The following BTN3A3 variants were observed in gnomAD, a reference collection of about 807,000 sequenced individuals.
BTN3A3 encodes the protein butyrophilin subfamily 3 member A3, also known as butyrophilin 3.
In BTN3A3, 39 loss-of-function variants were observed where a neutral mutation model predicts 43.2. The observed-to-expected ratio is 0.90, with a 90% CI of 0.70 to 1.18. The LOEUF (loss-of-function observed/expected upper bound fraction) is 1.18, where lower values mean the gene tolerates loss of function less well. Ranked by LOEUF, BTN3A3 falls within the 50% of genes most tolerant of loss-of-function variation. The probability of loss-of-function intolerance (pLI) is 0.00; values close to 1 mark genes in which losing one functional copy is unlikely to be tolerated. For missense variants in BTN3A3, 631 were observed against 722.8 expected, an observed-to-expected ratio of 0.87 and a Z score of 1.46; for synonymous variants, 255 against 272.7, an observed-to-expected ratio of 0.93 and a Z score of 0.64.
In BTN3A3 at chr6:26,452,506, G is replaced by T; in HGVS notation, c.*95G>T. The T allele has an allele frequency of 8.9e-7, 1 of 1,121,510 alleles. No individual in the cohort carries two copies. Among genetic ancestry groups the T allele is most frequent in the South Asian group, 1.6e-5 (1 of 60,732 alleles). 69.5% of individuals were successfully genotyped at this position (1,121,510 alleles called of 1,614,324 possible). On this transcript the variant is annotated 3_prime_UTR_variant, in exon 11 of 11. Coordinates refer to ENST00000244519, the MANE Select transcript of BTN3A3 (RefSeq NM_006994.5). ...TAAGGAAACTGGGGTGCAGAAAGGT[G>T]AATTAACTTTACAAAGTAGACATGA...
Position 26,440,813 on chromosome 6 carries a change from T to C in BTN3A3, c.-67+165T>C, listed in dbSNP as rs57735990. ...GTGTGTGTGTGTGTGTGTGTGTGTG[T>C]GTGCGTGTGTGCGCATGGGCACCCA... On this transcript the variant is annotated intron_variant, in intron 1 of 10. Transcript: ENST00000244519. The C allele has an allele frequency of 8.7e-3, 1,137 of 130,658 alleles. 8 individuals carry two copies. The highest frequency in any genetic ancestry group is 0.026 in the African/African-American group (907 of 34,608). 8.1% of individuals were successfully genotyped at this position (130,658 alleles called of 1,614,324 possible). A position where few individuals can be genotyped will look rare whatever the true frequency, so the allele number is the denominator to read the frequency against.
Position 26,452,722 on chromosome 6 carries a change from A to AT in BTN3A3, c.*312dup, listed in dbSNP as rs1481900411. ...CAACATGAAGTAACTTACATAACTCATACAGTAATTTGTGCAGTTGGGAGA... is the reference window on the plus strand; with the variant it reads ...CAACATGAAGTAACTTACATAACTCATTACAGTAATTTGTGCAGTTGGGAGA... On this transcript the variant is annotated 3_prime_UTR_variant, in exon 11 of 11. Transcript: ENST00000244519. 1 of 295,016 alleles carries AT rather than the reference A, an allele frequency of 3.4e-6. No homozygotes were observed. Among genetic ancestry groups the AT allele is most frequent in the Non-Finnish European group, 6.3e-6 (1 of 157,672 alleles). The allele number at this position is 295,016 out of a possible 1,614,324, so 18.3% of individuals were successfully genotyped here.
rs1160628160 is a variant in BTN3A3, at chr6:26,452,449, T to C, written c.*38T>C. On this transcript the variant is annotated 3_prime_UTR_variant, in exon 11 of 11. Transcript: ENST00000244519. The stretch of plus-strand genomic sequence containing the variant: ...TATTCCATATGACAGTTGTTTTGAG[T>C]TTCGTACCACCTTATTGTCCCCTTA... 6.6e-7 allele frequency: 1 copy of C among 1,521,874 alleles called. No homozygotes were observed. Among genetic ancestry groups the C allele is most frequent in the South Asian group, 1.2e-5 (1 of 80,566 alleles). 94.3% of individuals were successfully genotyped at this position (1,521,874 alleles called of 1,614,324 possible).
chr6:26,444,126 G>T lies in BTN3A3; in HGVS notation c.255G>T (p.Val85=). ...VVNVYADGKE[V]EDRQSAPYRG... ...ACGTGTATGCAGATGGAAAGGAAGT[G>T]GAAGACAGGCAGAGTGCACCGTATC... Residue 85 remains valine (V), a synonymous_variant, in exon 4 of 11, where the codon GTG becomes GTT. Coordinates refer to ENST00000244519, the MANE Select transcript of BTN3A3 (RefSeq NM_006994.5). 1 of 1,613,498 alleles carries T rather than the reference G, an allele frequency of 6.2e-7. No homozygotes were observed. The highest frequency in any genetic ancestry group is 1.1e-5 in the South Asian group (1 of 91,062).
chr6:26,446,037 T>G, intron 5 of BTN3A3, 52 bp downstream of exon 5: 2 of 1,601,800 alleles, frequency 1.2e-6, no homozygotes, highest in Non-Finnish European at 1.7e-6. Context: ...TGGCAGGTGA[T>G]GAAGGGGGAT....
Position 26,448,249 on chromosome 6 carries a change from C to G in BTN3A3, c.717C>G (p.Asp239Glu). ...GACCCACAGCTCTCCCCTTCGCAGA[C>G]CCCTTCTTCAGGAGCGCCCAGCCCT... is the stretch of plus-strand genomic sequence containing the variant. ...LEKTASISIA[D>E]PFFRSAQPWI... Residue 239 changes from aspartate (D) to glutamate (E), a missense_variant and splice_region_variant, in exon 6 of 11, where the codon GAC becomes GAG. Physicochemically the swap from Asp to Glu is conservative, Grantham distance 45. This residue lies in a region of BTN3A3 where 551 missense variants were observed against 584.0 expected (regional missense o/e 0.94). Transcript: ENST00000244519. The G allele has an allele frequency of 1.2e-6, 2 of 1,613,346 alleles. No individual in the cohort carries two copies. The highest frequency in any genetic ancestry group is 2.7e-5 in the African/African-American group (2 of 74,912).
rs573665384 is a variant in BTN3A3, at chr6:26,448,308, C to T, written c.776C>T (p.Ser259Leu). 1.4e-5 allele frequency: 22 copies of T among 1,613,788 alleles called. No homozygotes were observed. The highest frequency in any genetic ancestry group is 8.3e-5 in the Admixed American group (5 of 59,968). ...GCCCTGGCAGGGACCCTGCCTATCT[C>T]GTTGCTGCTTCTCGCAGGAGCCAGT... ...IAALAGTLPI[S>L]LLLLAGASYF... Residue 259 changes from serine to leucine, a missense_variant, in exon 6 of 11, where the codon TCG becomes TTG. Physicochemically the swap from Ser to Leu is moderately radical, Grantham distance 145. Transcript: ENST00000244519.
At chr6:26,446,026 G>A in intron 5 of BTN3A3, 41 bp downstream of exon 5, 1 of 1,607,648 alleles carries the variant, frequency 6.2e-7, no homozygotes, top group Non-Finnish European at 8.5e-7. Flanking sequence ...GAGCTGAGCT[G>A]TGGCAGGTGA....
At chr6:26,440,987 G>T (rs966967334) in intron 1 of BTN3A3, among the ~76,000 whole-genome samples, 5 of 152,048 alleles carry the variant, frequency 3.3e-5, no homozygotes, top group African/African-American at 1.2e-4. Context: ...GGTCAGAAAA[G>T]GGCAAAAAAG....
At chr6:26,441,123 A>G (rs930744408) in intron 1 of BTN3A3, among the ~76,000 whole-genome samples, 13 of 152,218 alleles carry the variant, frequency 8.5e-5, no homozygotes, top group African/African-American at 3.1e-4. Flanking sequence ...AAAAATCTGA[A>G]CCAGCATACA....
chr6:26,448,994 G>C (rs186268574), intron 8 of BTN3A3, among the ~76,000 whole-genome samples: 11 of 152,054 alleles, frequency 7.2e-5, no homozygotes, highest in African/African-American at 2.4e-4. Context: ...TGTACTAGGG[G>C]CCACAGACCT....
rs1464509297 is a variant in BTN3A3, at chr6:26,449,708, T to C, written c.991+20T>C. 5.6e-6 allele frequency: 9 copies of C among 1,613,932 alleles called. No individual in the cohort carries two copies. The highest frequency in any genetic ancestry group is 7.6e-6 in the Non-Finnish European group (9 of 1,179,878). On this transcript the variant is annotated intron_variant, in intron 9 of 10. Coordinates refer to ENST00000244519, the MANE Select transcript of BTN3A3 (RefSeq NM_006994.5). The stretch of plus-strand genomic sequence containing the variant: ...ATCATGGTGAGTGAGCCTGATGCTC[T>C]CTGGGTTTGCTGGGTCATGTACAAT...
chr6:26,444,365 T>A, intron 4 of BTN3A3, 61 bp downstream of exon 4: 2 of 1,610,816 alleles, frequency 1.2e-6, no homozygotes, highest in Non-Finnish European at 1.7e-6. Context: ...AGATGCAGAG[T>A]CCCTCTTCCA....
chr6:26,443,499 A>C, intron 2 of BTN3A3, 57 bp downstream of exon 2: 2 of 1,606,086 alleles, frequency 1.2e-6, no homozygotes, highest in African/African-American at 2.7e-5. Flanking sequence ...GGACATTTCC[A>C]TGCAGAAGCC....
chr6:26,451,598 C>T (rs529187742), intron 10 of BTN3A3, 77 bp from the exon 11 acceptor site: 16 of 1,551,118 alleles, frequency 1.0e-5, no homozygotes, highest in African/African-American at 2.7e-5. Flanking sequence ...TTAGCATGGT[C>T]CAGGCCTTGC....
chr6:26,441,398 T>C (rs1019573211), intron 1 of BTN3A3, among the ~76,000 whole-genome samples: 3 of 152,186 alleles, frequency 2.0e-5, no homozygotes, highest in Admixed American at 6.5e-5. Flanking sequence ...TTTGTAATAC[T>C]TTACTAATTT....
At chr6:26,450,040 G>A (rs1438825851) in intron 9 of BTN3A3, 67 bp from the exon 10 acceptor site, 1 of 1,520,290 alleles carries the variant, frequency 6.6e-7, no homozygotes, top group Non-Finnish European at 9.1e-7. Context: ...TGTAGTGAAA[G>A]GAGAATGGAG....
At chr6:26,446,969 T>G (rs540581787) in intron 5 of BTN3A3, among the ~76,000 whole-genome samples, 201 of 152,196 alleles carry the variant, frequency 1.3e-3, no homozygotes, top group Non-Finnish European at 2.3e-3. Flanking sequence ...CCCCAATTGA[T>G]CCGCCTGTCT....
At position 26,452,069 on chromosome 6, in the gene BTN3A3, G is replaced by T. The variant is rs146179367; in HGVS notation, c.1413G>T (p.Glu471Asp). 8.7e-6 allele frequency: 14 copies of T among 1,613,994 alleles called. No individual in the cohort carries two copies. Among genetic ancestry groups the T allele is most frequent in the East Asian group, 2.2e-5 (1 of 44,898 alleles). Residue 471 changes from glutamate to aspartate, a missense_variant, in exon 11 of 11, where the codon GAG becomes GAT. This residue lies in a region of BTN3A3 where 551 missense variants were observed against 584.0 expected (regional missense o/e 0.94). Coordinates refer to ENST00000244519, the MANE Select transcript of BTN3A3 (RefSeq NM_006994.5). ...TCTTCCTGGACTATGAGACTGGAGA[G>T]ATCTCGTTCTATAATGCCACAGATG... ...VGIFLDYETG[E>D]ISFYNATDGS...
Sources: allele counts gnomAD v4.1 joint callset (sites outside exome capture counted in the v4.1 genomes callset), GRCh38; gene constraint gnomAD v4.1.1; regional missense constraint gnomAD v4.1.1; transcripts MANE v1.5; gene names NCBI Gene and HGNC (gene_info 2026-07-23, HGNC 2026-07-21).